Variants in ABAT observed in about 807,000 individuals in gnomAD.
The protein encoded by ABAT is 4-aminobutyrate aminotransferase.
Under a neutral mutation model 64.6 loss-of-function variants are expected in ABAT, and 45 were observed. The ratio of observed to expected loss-of-function variants is 0.70; its 90% CI spans 0.55 to 0.89. The LOEUF (loss-of-function observed/expected upper bound fraction) is 0.89, where lower values mean the gene tolerates loss of function less well. ABAT is among the 40% of genes least tolerant of loss of function. The pLI, the probability that ABAT is intolerant of heterozygous loss-of-function variation, is 0.00. For missense variants in ABAT, 633 were observed against 658.4 expected, an observed-to-expected ratio of 0.96 and a Z score of 0.42; for synonymous variants, 297 against 250.5, an observed-to-expected ratio of 1.19 and a Z score of -1.75.
At chr16:8,717,708 G>A (rs922120466) in intron 1 of ABAT, among the ~76,000 whole-genome samples, 1 of 152,162 alleles carries the variant, frequency 6.6e-6, no homozygotes, top group Non-Finnish European at 1.5e-5. Flanking sequence ...TATACCCAGT[G>A]AGTTTGTCAA....
chr16:8,691,297 C>A (rs1009896954), intron 1 of ABAT, among the ~76,000 whole-genome samples: 1 of 152,228 alleles, frequency 6.6e-6, no homozygotes. Context: ...ACCAGGTCCT[C>A]AGAAACCAAG....
At position 8,776,350 on chromosome 16, in the gene ABAT, C is replaced by G; in HGVS notation, c.1129C>G (p.Arg377Gly). 2 of 1,614,168 alleles carry G rather than the reference C, an allele frequency of 1.2e-6. No individual in the cohort carries two copies. The highest frequency in any genetic ancestry group is 1.1e-5 in the South Asian group (1 of 91,066). Residue 377 changes from arginine (R) to glycine (G), a missense_variant, in exon 14 of 16, where the codon CGG becomes GGG. Coordinates refer to ENST00000268251, the MANE Select transcript of ABAT (RefSeq NM_020686.6). The surrounding 1 kb of genome is among the most constrained non-coding windows in gnomAD (Gnocchi z 4.4). ...KEEFRPNAPYRIFNTWLGDPS... is the reference protein window; with the variant it reads ...KEEFRPNAPYGIFNTWLGDPS... The stretch of plus-strand genomic sequence containing the variant: ...CACCCGTTCCTCATTCCAGCCCTAC[C>G]GGATCTTCAACACCTGGCTGGGGGA...
At chr16:8,757,535 A>G (rs779235886) in intron 5 of ABAT, among the ~76,000 whole-genome samples, 1 of 152,170 alleles carries the variant, frequency 6.6e-6, no homozygotes, top group Non-Finnish European at 1.5e-5. Flanking sequence ...AGAATCTCCT[A>G]GAGAATTTGT....
chr16:8,784,334 T>G lies in ABAT; in HGVS notation c.*2904T>G, dbSNP rs2060500466. ...CAAAATTGTGTATAGCATTAATGTA[T>G]CTACATACCTACACCTATCTATATA... On this transcript the variant is annotated 3_prime_UTR_variant, in exon 16 of 16. Transcript: ENST00000268251. The G allele has an allele frequency of 6.6e-6, 1 of 152,656 alleles. No individual in the cohort carries two copies. Among genetic ancestry groups the G allele is most frequent in the Non-Finnish European group, 1.5e-5 (1 of 68,046 alleles). 9.5% of individuals were successfully genotyped at this position (152,656 alleles called of 1,614,324 possible).
intron 1 of ABAT, among the ~76,000 whole-genome samples, chr16:8,704,662 C>T (rs952840391): frequency 6.6e-6 from 1 of 152,092 alleles, no homozygotes; most frequent in Non-Finnish European, 1.5e-5. Flanking sequence ...TGTAGCCAGA[C>T]TGCATATACA....
intron 1 of ABAT, 32 bp downstream of exon 1, chr16:8,674,743 G>C (rs1018108908): frequency 1.3e-5 from 2 of 152,292 alleles, no homozygotes; most frequent in African/African-American, 4.8e-5. Flanking sequence ...GCTTGGGACG[G>C]GCCCTTCCGA....
intron 1 of ABAT, among the ~76,000 whole-genome samples, chr16:8,712,126 G>A (rs1271319096): frequency 1.3e-5 from 2 of 152,050 alleles, no homozygotes; most frequent in Non-Finnish European, 2.9e-5. Flanking sequence ...AGCTACTTGG[G>A]AGGCTGAGGC....
chr16:8,685,537 G>T (rs942971715), intron 1 of ABAT, among the ~76,000 whole-genome samples: 2 of 151,530 alleles, frequency 1.3e-5, no homozygotes, highest in Admixed American at 6.6e-5. Flanking sequence ...TTAGCCTGGC[G>T]TGGCAGCCTG....
intron 12 of ABAT, among the ~76,000 whole-genome samples, chr16:8,773,792 G>A (rs1596471091): frequency 1.3e-5 from 2 of 152,204 alleles, no homozygotes. Flanking sequence ...CCACCTGAGT[G>A]AGAACATGCA....
chr16:8,757,291 C>G (rs1034724828), intron 5 of ABAT: 1 of 395,118 alleles, frequency 2.5e-6, no homozygotes, highest in African/African-American at 2.1e-5. Flanking sequence ...CCTCAGCCCC[C>G]CGAGTACCTG....
intron 1 of ABAT, among the ~76,000 whole-genome samples, chr16:8,718,293 T>C (rs1031160862): frequency 9.2e-5 from 14 of 152,230 alleles, no homozygotes; most frequent in Non-Finnish European, 1.9e-4. Flanking sequence ...AGAAAAGAAA[T>C]CTTACTCTTT....
chr16:8,688,538 T>TA (rs1178043396), intron 1 of ABAT, among the ~76,000 whole-genome samples: 1 of 150,058 alleles, frequency 6.7e-6, no homozygotes, highest in Non-Finnish European at 1.5e-5. Context: ...GGTAAAACAC[T>TA]CAAACACTGC....
intron 5 of ABAT, among the ~76,000 whole-genome samples, chr16:8,751,550 A>G (rs2059483424): frequency 1.3e-5 from 2 of 152,206 alleles, no homozygotes. Flanking sequence ...TGCATACACC[A>G]CACCCCAGAG....
intron 6 of ABAT, among the ~76,000 whole-genome samples, chr16:8,759,886 A>C (rs13332999): frequency 0.15 from 22,488 of 152,090 alleles, 1,765 homozygotes; most frequent in East Asian, 0.25. Flanking sequence ...GGAGTTTTGC[A>C]GTGTGTATCT....
At chr16:8,726,611 C>G (rs2058564936) in intron 1 of ABAT, among the ~76,000 whole-genome samples, 1 of 152,186 alleles carries the variant, frequency 6.6e-6, no homozygotes, top group Admixed American at 6.5e-5. Context: ...ACTCAGGTTG[C>G]TTCCAAATCT....
At chr16:8,717,823 T>A (rs2058255202) in intron 1 of ABAT, among the ~76,000 whole-genome samples, 1 of 143,764 alleles carries the variant, frequency 7.0e-6, no homozygotes, top group Admixed American at 6.9e-5. Context: ...AATCACCTCT[T>A]TTTTTTTTTC....
chr16:8,754,413 G>A (rs1020179271), intron 5 of ABAT, among the ~76,000 whole-genome samples: 68 of 152,134 alleles, frequency 4.5e-4, no homozygotes, highest in Admixed American at 7.2e-4. Flanking sequence ...ATTAGCCGGT[G>A]ACTGGTAGAA....
At chr16:8,745,406 C>A (rs1328151511) in intron 2 of ABAT, among the ~76,000 whole-genome samples, 1 of 152,116 alleles carries the variant, frequency 6.6e-6, no homozygotes, top group African/African-American at 2.4e-5. Context: ...CAATAGAAAG[C>A]TGGCATCAGA....
chr16:8,781,450 G>C lies in ABAT; in HGVS notation c.*20G>C, dbSNP rs763011622. ...AAGTAAAGAAGCCATTTCCACTACAGTGAGAAAGCCCGGATCCCAACAGTT... is the reference window on the plus strand; with the variant it reads ...AAGTAAAGAAGCCATTTCCACTACACTGAGAAAGCCCGGATCCCAACAGTT... On this transcript the variant is annotated 3_prime_UTR_variant, in exon 16 of 16. Transcript: ENST00000268251. The surrounding 1 kb of genome is among the most constrained non-coding windows in gnomAD (Gnocchi z 4.5). 74 of 1,614,012 alleles carry C rather than the reference G, an allele frequency of 4.6e-5. No individual in the cohort carries two copies. Among genetic ancestry groups the C allele is most frequent in the Non-Finnish European group, 5.8e-5 (68 of 1,180,034 alleles).
Sources: allele counts gnomAD v4.1 joint callset (sites outside exome capture counted in the v4.1 genomes callset), GRCh38; gene constraint gnomAD v4.1.1; non-coding constraint Gnocchi (gnomAD v3.1); transcripts MANE v1.5; gene names NCBI Gene and HGNC (gene_info 2026-07-23, HGNC 2026-07-21).